Variants in ZNF385D observed in about 807,000 individuals in gnomAD.
The protein encoded by ZNF385D is zinc finger protein 659.
In ZNF385D, 15 loss-of-function variants were observed where a neutral mutation model predicts 35.8. The ratio of observed to expected loss-of-function variants is 0.42; its 90% CI spans 0.28 to 0.64. The LOEUF (loss-of-function observed/expected upper bound fraction) is 0.64, where lower values mean the gene tolerates loss of function less well. Ranked by LOEUF, ZNF385D falls within the 30% of genes least tolerant of loss-of-function variation. The probability of loss-of-function intolerance (pLI) is 0.23; values close to 1 mark genes in which losing one functional copy is unlikely to be tolerated. For synonymous variants in ZNF385D, 212 were observed against 186.8 expected (o/e 1.13, Z -1.10); for missense variants, 474 against 494.6 (o/e 0.96, Z 0.39).
intron 3 of ZNF385D, among the ~76,000 whole-genome samples, chr3:21,792,517 T>C (rs1023426489): frequency 6.6e-6 from 1 of 152,214 alleles, no homozygotes; most frequent in African/African-American, 2.4e-5. Context: ...TGCCATGGAA[T>C]ACCTAAAATA....
At chr3:22,234,729 A>G (rs1318082572) in intron 2 of ZNF385D, among the ~76,000 whole-genome samples, 1 of 152,000 alleles carries the variant, frequency 6.6e-6, no homozygotes, top group Non-Finnish European at 1.5e-5. Context: ...TAGTGATTGG[A>G]ATGTGTTTCC....
At chr3:21,876,043 T>C (rs1435518990) in intron 3 of ZNF385D, among the ~76,000 whole-genome samples, 2 of 152,094 alleles carry the variant, frequency 1.3e-5, no homozygotes, top group Non-Finnish European at 2.9e-5. Context: ...TTCATCATAG[T>C]TGGTTTGAGA....
chr3:21,929,804 T>C (rs1362159257), intron 3 of ZNF385D, among the ~76,000 whole-genome samples: 1 of 152,008 alleles, frequency 6.6e-6, no homozygotes, highest in South Asian at 2.1e-4. Context: ...AAATTAAAGA[T>C]CTAAATAAAT....
intron 1 of ZNF385D, among the ~76,000 whole-genome samples, chr3:21,720,818 T>C (rs751547116): frequency 6.6e-6 from 1 of 152,164 alleles, no homozygotes; most frequent in South Asian, 2.1e-4. Context: ...AGACCTTCTA[T>C]TGTAGGGTAG....
At chr3:22,261,019 ATAAT>A (rs1431742747) in intron 2 of ZNF385D, among the ~76,000 whole-genome samples, 1 of 152,022 alleles carries the variant, frequency 6.6e-6, no homozygotes, top group Non-Finnish European at 1.5e-5. Flanking sequence ...TTAAATGGGG[ATAAT>A]TATTTGACTC....
chr3:21,501,867 T>C (rs1706394390), intron 4 of ZNF385D, among the ~76,000 whole-genome samples: 2 of 152,240 alleles, frequency 1.3e-5, no homozygotes, highest in South Asian at 4.1e-4. Context: ...CTGGGAGTTT[T>C]AATTTAATTT....
intron 3 of ZNF385D, among the ~76,000 whole-genome samples, chr3:21,813,810 T>C (rs997731681): frequency 2.0e-5 from 3 of 152,102 alleles, no homozygotes; most frequent in African/African-American, 7.2e-5. Flanking sequence ...CTCCCCAATC[T>C]AGCAAGGCAG....
chr3:22,280,060 TGTGGTC>T (rs1701658051), intron 2 of ZNF385D, among the ~76,000 whole-genome samples: 1 of 152,268 alleles, frequency 6.6e-6, no homozygotes, highest in South Asian at 2.1e-4. Flanking sequence ...TTTTCATGTT[TGTGGTC>T]ATTTGTTTAT....
chr3:21,668,853 A>T (rs2066481001), intron 1 of ZNF385D, among the ~76,000 whole-genome samples: 1 of 152,208 alleles, frequency 6.6e-6, no homozygotes, highest in South Asian at 2.1e-4. Context: ...AATAGAAACT[A>T]TTGCATCTAA....
intron 3 of ZNF385D, among the ~76,000 whole-genome samples, chr3:21,873,404 T>C (rs1697797926): frequency 6.6e-6 from 1 of 152,146 alleles, no homozygotes; most frequent in South Asian, 2.1e-4. Flanking sequence ...TAGTCTCAGC[T>C]CTTTTCCTGT....
At chr3:21,867,975 A>G (rs532951307) in intron 3 of ZNF385D, among the ~76,000 whole-genome samples, 154 of 152,328 alleles carry the variant, frequency 1.0e-3, no homozygotes, top group Non-Finnish European at 1.7e-3. Flanking sequence ...TGACCAGTAC[A>G]GCCTTAAACA....
At chr3:21,764,262 G>C (rs1575608740) in intron 3 of ZNF385D, among the ~76,000 whole-genome samples, 1 of 152,160 alleles carries the variant, frequency 6.6e-6, no homozygotes, top group South Asian at 2.1e-4. Context: ...AATAAGGAAA[G>C]GCAGGGGAGA....
intron 3 of ZNF385D, among the ~76,000 whole-genome samples, chr3:21,874,650 T>G (rs1350155016): frequency 6.6e-6 from 1 of 152,144 alleles, no homozygotes; most frequent in Non-Finnish European, 1.5e-5. Context: ...CTTTGTAATA[T>G]GTTTCAAAAT....
At chr3:22,031,800 C>T (rs920282927) in intron 3 of ZNF385D, among the ~76,000 whole-genome samples, 5 of 152,188 alleles carry the variant, frequency 3.3e-5, no homozygotes, top group Admixed American at 6.5e-5. Context: ...GGTCACGCTG[C>T]CAATTTCCAA....
At chr3:22,011,362 A>G (rs556254908) in intron 3 of ZNF385D, among the ~76,000 whole-genome samples, 157 of 152,272 alleles carry the variant, frequency 1.0e-3, no homozygotes, top group African/African-American at 3.6e-3. Flanking sequence ...GCTTCAAAAT[A>G]TATCTATCAT....
At chr3:21,783,790 A>AT (rs896505481) in intron 3 of ZNF385D, among the ~76,000 whole-genome samples, 5 of 152,122 alleles carry the variant, frequency 3.3e-5, no homozygotes, top group Admixed American at 2.6e-4. Context: ...AAGTCAACTG[A>AT]TTTTTTTCCC....
intron 3 of ZNF385D, among the ~76,000 whole-genome samples, chr3:21,529,710 T>C (rs1293222166): frequency 3.3e-5 from 5 of 152,092 alleles, no homozygotes; most frequent in Admixed American, 3.3e-4. Flanking sequence ...AAACCACAGG[T>C]CTAGGAGCTG....
At chr3:21,715,734 C>G (rs1343850162) in intron 1 of ZNF385D, among the ~76,000 whole-genome samples, 1 of 152,082 alleles carries the variant, frequency 6.6e-6, no homozygotes, top group East Asian at 1.9e-4. Flanking sequence ...TATATGTTAT[C>G]TGTACTAATT....
chr3:21,654,629 C>T (rs137908930), intron 2 of ZNF385D, among the ~76,000 whole-genome samples: 2 of 152,112 alleles, frequency 1.3e-5, no homozygotes, highest in African/African-American at 4.8e-5. Context: ...GCCCTACCCC[C>T]ATCAGTCATA....
Sources: gnomAD v4.1 joint callset for allele counts (sites outside exome capture counted in the v4.1 genomes callset) on GRCh38, gnomAD v4.1.1 for gene constraint, MANE v1.5 for transcripts, NCBI Gene and HGNC (gene_info 2026-07-23, HGNC 2026-07-21) for gene names.